Variants in ENOX2 observed in about 807,000 individuals in gnomAD.
ENOX2 encodes ecto-NOX disulfide-thiol exchanger 2, also known as APK1 antigen.
In ENOX2, 36 loss-of-function variants were observed where a neutral mutation model predicts 45.0. The ratio of observed to expected loss-of-function variants is 0.80; its 90% CI spans 0.61 to 1.06. The LOEUF is 1.06. Ranked by LOEUF, ENOX2 falls within the 50% of genes least tolerant of loss-of-function variation. ENOX2 has a pLI of 0.00. For missense variants in ENOX2, 423 were observed against 462.5 expected (o/e 0.91, Z 0.78); for synonymous variants, 174 against 152.3 (o/e 1.14, Z -1.05).
chrX:130,838,712 T>C (rs762164125), intron 2 of ENOX2, among the ~76,000 whole-genome samples: 4 of 111,752 alleles, frequency 3.6e-5, no homozygotes, highest in Non-Finnish European at 5.7e-5. Context: ...AAGTATGCCA[T>C]GCAGAGTAGA....
chrX:130,826,946 G>GT (rs1175539876), intron 2 of ENOX2, among the ~76,000 whole-genome samples: 1 of 111,573 alleles, frequency 9.0e-6, no homozygotes, highest in East Asian at 2.8e-4. Context: ...ACTAAATAGA[G>GT]TAACTAACCC....
At chrX:130,638,660 G>A (rs2035999847) in intron 10 of ENOX2, among the ~76,000 whole-genome samples, 1 of 111,433 alleles carries the variant, frequency 9.0e-6, no homozygotes, top group South Asian at 3.8e-4. Context: ...GAGGTTACAG[G>A]GCAAACAGCT....
At chrX:130,685,178 G>A (rs995629630) in intron 5 of ENOX2, among the ~76,000 whole-genome samples, 4 of 111,343 alleles carry the variant, frequency 3.6e-5, no homozygotes, top group African/African-American at 1.3e-4. Context: ...TGATGGGAGA[G>A]TGGCTGGTGT....
intron 3 of ENOX2, among the ~76,000 whole-genome samples, chrX:130,766,429 TTTGA>T (rs1406070497): frequency 8.9e-6 from 1 of 112,246 alleles, no homozygotes; most frequent in Non-Finnish European, 1.9e-5. Flanking sequence ...TAACATGTAT[TTTGA>T]TGAAAAAAGT....
At chrX:130,656,538 C>A in intron 10 of ENOX2, 43 bp downstream of exon 10, 3 of 814,983 alleles carry the variant, frequency 3.7e-6, no homozygotes, top group Non-Finnish European at 5.5e-6. Flanking sequence ...ATCATGTCTG[C>A]AAGTACATGT....
intron 2 of ENOX2, among the ~76,000 whole-genome samples, chrX:130,880,357 A>T (rs1446893443): frequency 1.8e-5 from 2 of 111,102 alleles, no homozygotes; most frequent in East Asian, 5.7e-4. Context: ...TTTTTTTCCC[A>T]GTACTTTAGA....
intron 3 of ENOX2, among the ~76,000 whole-genome samples, chrX:130,777,615 G>A (rs2039887616): frequency 9.0e-6 from 1 of 111,561 alleles, no homozygotes; most frequent in Non-Finnish European, 1.9e-5. Flanking sequence ...CTTCATGTCT[G>A]CTGAGAGAAT....
intron 2 of ENOX2, among the ~76,000 whole-genome samples, chrX:130,875,166 T>G (rs1032354383): frequency 9.0e-6 from 1 of 111,285 alleles, no homozygotes; most frequent in Non-Finnish European, 1.9e-5. Context: ...ATGTACAGAG[T>G]CACCTCTCAT....
At chrX:130,732,341 G>A (rs1269724374) in intron 3 of ENOX2, among the ~76,000 whole-genome samples, 1 of 111,699 alleles carries the variant, frequency 9.0e-6, no homozygotes, top group African/African-American at 3.2e-5. Context: ...ATTGACAAAA[G>A]TAATTAAAGA....
At chrX:130,656,959 C>T (rs2036565187) in intron 9 of ENOX2, among the ~76,000 whole-genome samples, 2 of 111,558 alleles carry the variant, frequency 1.8e-5, no homozygotes, top group African/African-American at 6.5e-5. Context: ...TCATATTAGA[C>T]AGTATTTTTG....
At chrX:130,686,180 C>A (rs1455924921) in intron 5 of ENOX2, among the ~76,000 whole-genome samples, 1 of 110,830 alleles carries the variant, frequency 9.0e-6, no homozygotes, top group Non-Finnish European at 1.9e-5. Context: ...GCCCAATTCT[C>A]ATGTAGAATT....
At chrX:130,831,750 T>G (rs996241401) in intron 2 of ENOX2, among the ~76,000 whole-genome samples, 7 of 112,042 alleles carry the variant, frequency 6.2e-5, no homozygotes, top group African/African-American at 2.3e-4. Flanking sequence ...TATTTATGTA[T>G]TTCCATGTTT....
chrX:130,627,230 G>C (rs766838433), intron 14 of ENOX2, among the ~76,000 whole-genome samples: 2 of 111,160 alleles, frequency 1.8e-5, no homozygotes, highest in African/African-American at 6.6e-5. Flanking sequence ...GAGGTGGATG[G>C]AATAAGACTT....
At chrX:130,687,721 T>C (rs968209292) in intron 5 of ENOX2, among the ~76,000 whole-genome samples, 11 of 112,121 alleles carry the variant, frequency 9.8e-5, no homozygotes, top group Admixed American at 8.5e-4. Flanking sequence ...GAAGGATGTA[T>C]CTTGTTGACA....
chrX:130,896,869 T>A, intron 2 of ENOX2, among the ~76,000 whole-genome samples: 1 of 112,096 alleles, frequency 8.9e-6, no homozygotes, highest in Admixed American at 9.4e-5. Context: ...TGATACGTTA[T>A]TGTAGAGAAA....
In ENOX2 at chrX:130,901,885, A is replaced by T. The variant is rs534949833; in HGVS notation, c.-230-154T>A. 8.0e-5 allele frequency among the ~76,000 whole-genome samples: 9 copies of T among 112,000 alleles called. No homozygotes were observed. The South Asian group carries it at 1.1e-3, about 14-fold the overall frequency. On this transcript the variant is annotated intron_variant, in intron 1 of 14. Coordinates refer to ENST00000394363, the MANE Select transcript of ENOX2 (RefSeq NM_006375.4). ...TTTATTTCCCAGTATATTTGTGCTG[A>T]TATCTTTTATTCCAATCAGGCAAGC... is the stretch of plus-strand genomic sequence containing the variant.
intron 3 of ENOX2, among the ~76,000 whole-genome samples, chrX:130,720,305 G>A (rs915537713): frequency 3.6e-5 from 4 of 112,362 alleles, no homozygotes; most frequent in African/African-American, 1.3e-4. Context: ...AGGAAAACAG[G>A]GAGGCATGGA....
At chrX:130,705,827 C>A (rs999008509) in intron 3 of ENOX2, among the ~76,000 whole-genome samples, 5 of 111,706 alleles carry the variant, frequency 4.5e-5, no homozygotes, top group South Asian at 3.8e-4. Flanking sequence ...CTGGGTGGAA[C>A]CTGGGATTCA....
At chrX:130,886,024 C>CA (rs1355677984) in intron 2 of ENOX2, among the ~76,000 whole-genome samples, 1 of 112,279 alleles carries the variant, frequency 8.9e-6, no homozygotes, top group Non-Finnish European at 1.9e-5. Context: ...AACCAATACT[C>CA]AAAGAAGAAA....
Sources: allele counts gnomAD v4.1 joint callset (sites outside exome capture counted in the v4.1 genomes callset), GRCh38; gene constraint gnomAD v4.1.1; transcripts MANE v1.5; gene names NCBI Gene and HGNC (gene_info 2026-07-23, HGNC 2026-07-21).